Variants in GHR observed in about 807,000 individuals in gnomAD.
The protein encoded by GHR is GH receptor.
Under a neutral mutation model 67.1 loss-of-function variants are expected in GHR, and 35 were observed. The ratio of observed to expected loss-of-function variants is 0.52; its 90% CI spans 0.40 to 0.69. The LOEUF (loss-of-function observed/expected upper bound fraction) is 0.69. GHR is among the 30% of genes least tolerant of loss of function. The pLI is 0.00. For synonymous variants in GHR, 272 were observed against 269.1 expected, an observed-to-expected ratio of 1.01 and a Z score of -0.10; for missense variants, 792 against 764.6, an observed-to-expected ratio of 1.04 and a Z score of -0.42.
intron 1 of GHR, among the ~76,000 whole-genome samples, chr5:42,503,689 C>G (rs187289829): frequency 5.5e-4 from 84 of 152,136 alleles, no homozygotes; most frequent in African/African-American, 2.0e-3. Flanking sequence ...GAGATAAGTG[C>G]CATGGGGAAA....
chr5:42,484,631 C>T (rs577310803), intron 1 of GHR, among the ~76,000 whole-genome samples: 1 of 152,344 alleles, frequency 6.6e-6, no homozygotes, highest in Non-Finnish European at 1.5e-5. Context: ...AGGACAGCTG[C>T]TTTCTGCTCA....
At chr5:42,503,708 A>C (rs966893109) in intron 1 of GHR, among the ~76,000 whole-genome samples, 1 of 152,192 alleles carries the variant, frequency 6.6e-6, no homozygotes, top group Non-Finnish European at 1.5e-5. Context: ...AAAACAAAAT[A>C]GGGTAAGGGG....
chr5:42,669,875 A>C (rs1224795677), intron 3 of GHR, among the ~76,000 whole-genome samples: 1 of 152,224 alleles, frequency 6.6e-6, no homozygotes, highest in South Asian at 2.1e-4. Flanking sequence ...AAGAAATTGA[A>C]GATGGTAAAA....
At chr5:42,462,472 T>C (rs983844791) in intron 1 of GHR, among the ~76,000 whole-genome samples, 3 of 152,238 alleles carry the variant, frequency 2.0e-5, no homozygotes, top group African/African-American at 4.8e-5. Context: ...GTAATTTCCT[T>C]AATTCAAATA....
chr5:42,435,464 G>A (rs1743283121), intron 1 of GHR, among the ~76,000 whole-genome samples: 1 of 152,184 alleles, frequency 6.6e-6, no homozygotes, highest in African/African-American at 2.4e-5. Flanking sequence ...CTACTTAGGT[G>A]AGGTGAATAC....
At chr5:42,571,471 C>T (rs1204022464) in intron 2 of GHR, among the ~76,000 whole-genome samples, 2 of 152,194 alleles carry the variant, frequency 1.3e-5, no homozygotes, top group African/African-American at 2.4e-5. Context: ...AGAGTATGTA[C>T]TTACTCATGG....
intron 3 of GHR, among the ~76,000 whole-genome samples, chr5:42,655,679 A>G (rs1755220546): frequency 6.6e-6 from 1 of 152,124 alleles, no homozygotes; most frequent in South Asian, 2.1e-4. Context: ...TAAAATATAT[A>G]TAAATTTGGT....
At chr5:42,522,470 C>A (rs1192115305) in intron 1 of GHR, among the ~76,000 whole-genome samples, 1 of 152,154 alleles carries the variant, frequency 6.6e-6, no homozygotes, top group African/African-American at 2.4e-5. Context: ...CACTTTCTCT[C>A]CTCAATATCA....
chr5:42,697,441 G>C (rs890563381), intron 5 of GHR, among the ~76,000 whole-genome samples: 1 of 152,202 alleles, frequency 6.6e-6, no homozygotes, highest in African/African-American at 2.4e-5. Context: ...TGGAGAGGTT[G>C]CAGTGTTGAG....
At chr5:42,456,060 C>T (rs1194987757) in intron 1 of GHR, among the ~76,000 whole-genome samples, 2 of 152,200 alleles carry the variant, frequency 1.3e-5, no homozygotes, top group Non-Finnish European at 2.9e-5. Flanking sequence ...CGCCTGTAAT[C>T]CCAGCATTTT....
At chr5:42,699,250 C>T (rs139437752) in intron 5 of GHR, among the ~76,000 whole-genome samples, 100 of 152,184 alleles carry the variant, frequency 6.6e-4, no homozygotes, top group African/African-American at 2.4e-3. Context: ...GTGGTGCAGG[C>T]GGTGAGATAT....
intron 1 of GHR, among the ~76,000 whole-genome samples, chr5:42,550,290 A>G (rs904843892): frequency 2.0e-5 from 3 of 152,074 alleles, no homozygotes; most frequent in Admixed American, 1.3e-4. Flanking sequence ...CTCTGGGCTT[A>G]ACTTACCCCA....
intron 2 of GHR, among the ~76,000 whole-genome samples, chr5:42,628,461 AG>A (rs1405744684): frequency 8.3e-6 from 1 of 120,536 alleles, no homozygotes; most frequent in East Asian, 2.2e-4. Context: ...TGTTTCAGGG[AG>A]GCAGGAATTA....
Position 42,554,423 on chromosome 5 carries a change from CT to C in GHR, c.-11-11440del, listed in dbSNP as rs1749201387. Among the ~76,000 whole-genome samples, 5 of 152,096 alleles carry C rather than the reference CT, an allele frequency of 3.3e-5. 1 individual carries two copies. In the South Asian group the frequency reaches 1.0e-3, roughly 31 times the overall value. On this transcript the variant is annotated intron_variant, in intron 1 of 9. Coordinates refer to ENST00000230882, the MANE Select transcript of GHR (RefSeq NM_000163.5). ...TGTACAAAGTGAGTGTTGAGACGATCTGGAACACCCTACTTCTTGCTTTAGT... is the reference window on the plus strand; with the variant it reads ...TGTACAAAGTGAGTGTTGAGACGATCGGAACACCCTACTTCTTGCTTTAGT...
intron 1 of GHR, among the ~76,000 whole-genome samples, chr5:42,537,113 C>G (rs953790292): frequency 1.3e-4 from 19 of 151,904 alleles, no homozygotes; most frequent in Non-Finnish European, 1.9e-4. Context: ...AAATAACCAG[C>G]TTTTTGTTTT....
intron 4 of GHR, among the ~76,000 whole-genome samples, chr5:42,690,738 G>A (rs1757384167): frequency 6.6e-6 from 1 of 152,114 alleles, no homozygotes; most frequent in Non-Finnish European, 1.5e-5. Flanking sequence ...AAGATGAAAT[G>A]TTTGGGCACC....
intron 1 of GHR, among the ~76,000 whole-genome samples, chr5:42,471,469 G>A (rs562184636): frequency 2.4e-4 from 36 of 152,302 alleles, no homozygotes; most frequent in African/African-American, 7.5e-4. Context: ...GAGTGTGATC[G>A]TTGACCTTCC....
rs200102164 is a variant in GHR at position 42,718,617 on chromosome 5, T to A, written c.1110T>A (p.His370Gln). Reference sequence around the variant, plus strand: ...CAGACAGACTTCTAAGCAGTGACCATGAGAAATCACATAGTAACCTAGGGG... The same window carrying A: ...CAGACAGACTTCTAAGCAGTGACCAAGAGAAATCACATAGTAACCTAGGGG... Reference protein sequence around the residue: ...SDTDRLLSSDHEKSHSNLGVK... With the variant: ...SDTDRLLSSDQEKSHSNLGVK... The change falls in exon 10 of 10, where the codon CAT (histidine) becomes CAA (glutamine). Residue 370 changes from histidine (H) to glutamine (Q), a missense_variant. Transcript: ENST00000230882. The A allele has an allele frequency of 1.2e-4, 190 of 1,613,366 alleles. 1 individual carries two copies. The highest frequency in any genetic ancestry group is 1.6e-4 in the Non-Finnish European group (184 of 1,179,394).
At chr5:42,563,138 A>G (rs1318889159) in intron 1 of GHR, among the ~76,000 whole-genome samples, 1 of 152,120 alleles carries the variant, frequency 6.6e-6, no homozygotes, top group African/African-American at 2.4e-5. Flanking sequence ...AGAAATGCAA[A>G]CCTGTTCACA....
Sources: allele counts gnomAD v4.1 joint callset (sites outside exome capture counted in the v4.1 genomes callset), GRCh38; gene constraint gnomAD v4.1.1; transcripts MANE v1.5; gene names NCBI Gene and HGNC (gene_info 2026-07-23, HGNC 2026-07-21).